The following CADM1 variants were observed in gnomAD, a reference collection of about 807,000 sequenced individuals.
The protein encoded by CADM1 is cell adhesion molecule 1, also known as TSLC-1.
A neutral mutation model predicts 53.1 loss-of-function variants in CADM1; 15 were observed. The observed-to-expected ratio is 0.28, with a 90% CI of 0.19 to 0.44. The LOEUF is 0.44. Among genes scored for constraint, CADM1 ranks in the 20% least tolerant of loss-of-function variants. CADM1 has a pLI of 1.00. For synonymous variants in CADM1, 281 were observed against 243.0 expected, an observed-to-expected ratio of 1.16 and a Z score of -1.45; for missense variants, 434 against 611.3, an observed-to-expected ratio of 0.71 and a Z score of 3.06.
At chr11:115,420,377 G>A (rs535596254) in intron 1 of CADM1, among the ~76,000 whole-genome samples, 2 of 152,164 alleles carry the variant, frequency 1.3e-5, no homozygotes, top group South Asian at 4.2e-4. Flanking sequence ...ATCCCGGGGT[G>A]TCACAGGTGT....
At chr11:115,467,029 T>C (rs1948912666) in intron 1 of CADM1, among the ~76,000 whole-genome samples, 1 of 152,164 alleles carries the variant, frequency 6.6e-6, no homozygotes, top group Non-Finnish European at 1.5e-5. Context: ...CACCTTCCAC[T>C]TAGGACCCTT....
At chr11:115,400,355 A>C (rs1241493138) in intron 1 of CADM1, among the ~76,000 whole-genome samples, 1 of 151,660 alleles carries the variant, frequency 6.6e-6, no homozygotes. Context: ...AATAAAACAA[A>C]AAGCTCAGAA....
At chr11:115,496,399 T>G (rs1949613985) in intron 1 of CADM1, among the ~76,000 whole-genome samples, 1 of 152,204 alleles carries the variant, frequency 6.6e-6, no homozygotes, top group South Asian at 2.1e-4. Flanking sequence ...GGTAACCAGC[T>G]GAAGGCTGAT....
intron 1 of CADM1, among the ~76,000 whole-genome samples, chr11:115,259,107 T>TC (rs1257253655): frequency 6.6e-6 from 1 of 151,806 alleles, no homozygotes; most frequent in East Asian, 1.9e-4. Flanking sequence ...TACCTCAGCC[T>TC]CCCAAGTAGC....
intron 1 of CADM1, among the ~76,000 whole-genome samples, chr11:115,410,021 A>G (rs1439811903): frequency 6.6e-6 from 1 of 152,224 alleles, no homozygotes; most frequent in Non-Finnish European, 1.5e-5. Context: ...TTTACTGCTC[A>G]TGTTTTTTCA....
chr11:115,181,931 G>A (rs1939333444), intron 10 of CADM1, among the ~76,000 whole-genome samples: 1 of 152,228 alleles, frequency 6.6e-6, no homozygotes, highest in Admixed American at 6.5e-5. Flanking sequence ...ACCAGAAATG[G>A]AAGGAAATAC....
At chr11:115,214,466 CT>C (rs1941090687) in intron 7 of CADM1, 141 bp downstream of exon 7, 1 of 779,998 alleles carries the variant, frequency 1.3e-6, no homozygotes, top group African/African-American at 1.7e-5. Flanking sequence ...TAGGGTCCAC[CT>C]CAGGCCAGGC....
chr11:115,419,568 A>C (rs1947702053), intron 1 of CADM1, among the ~76,000 whole-genome samples: 1 of 152,208 alleles, frequency 6.6e-6, no homozygotes, highest in Non-Finnish European at 1.5e-5. Flanking sequence ...AAAGTCTCCC[A>C]GTTGGTGAAA....
intron 1 of CADM1, among the ~76,000 whole-genome samples, chr11:115,311,255 T>C (rs532432577): frequency 2.4e-4 from 36 of 152,300 alleles, no homozygotes; most frequent in African/African-American, 8.4e-4. Flanking sequence ...TTAATAATCA[T>C]GGAAGACGTC....
At chr11:115,296,768 C>A (rs1175998603) in intron 1 of CADM1, among the ~76,000 whole-genome samples, 1 of 152,148 alleles carries the variant, frequency 6.6e-6, no homozygotes, top group African/African-American at 2.4e-5. Context: ...AAGTACCATG[C>A]CGCTTTTTGA....
intron 5 of CADM1, among the ~76,000 whole-genome samples, chr11:115,223,831 C>A (rs140513972): frequency 2.0e-5 from 3 of 151,784 alleles, no homozygotes; most frequent in Non-Finnish European, 2.9e-5. Context: ...TAGCTTCAAT[C>A]GGGGTTCTTC....
At chr11:115,455,366 C>T (rs1052837607) in intron 1 of CADM1, among the ~76,000 whole-genome samples, 3 of 151,200 alleles carry the variant, frequency 2.0e-5, no homozygotes. Context: ...GCAAAAGTAT[C>T]TCTAAGAAAA....
intron 1 of CADM1, among the ~76,000 whole-genome samples, chr11:115,417,959 C>A (rs778752577): frequency 3.9e-5 from 6 of 152,126 alleles, no homozygotes; most frequent in Non-Finnish European, 7.4e-5. Flanking sequence ...TAGTGTGGAT[C>A]TGATTACCTC....
chr11:115,231,245 T>A (rs1941801687), intron 4 of CADM1, 108 bp downstream of exon 4: 1 of 1,221,642 alleles, frequency 8.2e-7, no homozygotes, highest in Non-Finnish European at 1.2e-6. Flanking sequence ...CATATCTAAA[T>A]GAATACTTTT....
chr11:115,257,780 T>A (rs1176948252), intron 1 of CADM1, among the ~76,000 whole-genome samples: 2 of 152,212 alleles, frequency 1.3e-5, no homozygotes, highest in Non-Finnish European at 2.9e-5. Flanking sequence ...GCCACCCTTT[T>A]AAGGGTGTTT....
intron 1 of CADM1, among the ~76,000 whole-genome samples, chr11:115,323,971 A>C (rs893353968): frequency 6.6e-6 from 1 of 152,096 alleles, no homozygotes; most frequent in African/African-American, 2.4e-5. Context: ...TTCCAGGAGA[A>C]GCAGATAGCC....
chr11:115,483,880 C>T (rs1949310809), intron 1 of CADM1, among the ~76,000 whole-genome samples: 1 of 152,164 alleles, frequency 6.6e-6, no homozygotes, highest in Admixed American at 6.5e-5. Context: ...TACTGAACAG[C>T]ACAGATATGG....
At chr11:115,225,588 T>A (rs1323093212) in intron 5 of CADM1, among the ~76,000 whole-genome samples, 1 of 152,070 alleles carries the variant, frequency 6.6e-6, no homozygotes, top group Non-Finnish European at 1.5e-5. Context: ...CACTGCAAAA[T>A]CCTGGTTCAA....
intron 1 of CADM1, among the ~76,000 whole-genome samples, chr11:115,266,906 G>T (rs1943155904): frequency 6.6e-6 from 1 of 152,168 alleles, no homozygotes; most frequent in African/African-American, 2.4e-5. Context: ...ACAAAACTAG[G>T]AAATTGTTTT....
Sources: allele counts gnomAD v4.1 joint callset (sites outside exome capture counted in the v4.1 genomes callset), GRCh38; gene constraint gnomAD v4.1.1; transcripts MANE v1.5; gene names NCBI Gene and HGNC (gene_info 2026-07-23, HGNC 2026-07-21).